Variants in SRCAP observed in about 807,000 individuals in gnomAD.
The protein encoded by SRCAP is Snf2 related CREBBP activator protein, also known as chromatin remodeling protein SRCAP.
Under a neutral mutation model 263.1 loss-of-function variants are expected in SRCAP, and 46 were observed. The observed-to-expected ratio is 0.17, with a 90% CI of 0.14 to 0.22. SRCAP has a LOEUF of 0.22. SRCAP is among the 10% of genes least tolerant of loss of function. The pLI, the probability that SRCAP is intolerant of heterozygous loss-of-function variation, is 1.00. For synonymous variants in SRCAP, 1,813 were observed against 1,662.1 expected (o/e 1.09, Z -2.21); for missense variants, 3,695 against 4,181.9 (o/e 0.88, Z 3.21).
At position 30,737,556 on chromosome 16, in the gene SRCAP, A is replaced by G. The variant is rs2053173093; in HGVS notation, c.7516A>G (p.Thr2506Ala). ...TGCCTGCACCCCTCCTCCTGCCTGT[A>G]CCCCTCCACCAGCTCATACACCGCC... is the stretch of plus-strand genomic sequence containing the variant. ...SPACTPPPAC[T>A]PPPAHTPPPA... Residue 2506 changes from threonine (T) to alanine (A), a missense_variant, in exon 34 of 34, where the codon ACC becomes GCC. By Grantham distance (58) the Thr-to-Ala change is moderately conservative. Coordinates refer to ENST00000262518, the MANE Select transcript of SRCAP (RefSeq NM_006662.3). The G allele has an allele frequency of 1.2e-6, 2 of 1,612,686 alleles. No individual in the cohort carries two copies. The highest frequency in any genetic ancestry group is 1.6e-4 in the Middle Eastern group (1 of 6,082).
intron 4 of SRCAP, 75 bp from the exon 5 acceptor site, chr16:30,707,108 C>A: frequency 6.7e-7 from 1 of 1,495,344 alleles, no homozygotes; most frequent in South Asian, 1.2e-5. Context: ...CCACTTAGTG[C>A]TCAGGAATTC....
chr16:30,710,670 T>C, intron 8 of SRCAP, 84 bp from the exon 9 acceptor site: 1 of 1,361,014 alleles, frequency 7.3e-7, no homozygotes, highest in Non-Finnish European at 1.1e-6. Flanking sequence ...ACAGTGATTC[T>C]CCTGTGACAC....
Position 30,721,969 on chromosome 16 carries a change from G to C in SRCAP, c.3542-153G>C, listed in dbSNP as rs575045254. Reference sequence around the variant, plus strand: ...GCACATGAAAAGCTCAAAGGCTGTAGGTGGAGGCTGAGTTTATTGGGACAT... The same window carrying C: ...GCACATGAAAAGCTCAAAGGCTGTACGTGGAGGCTGAGTTTATTGGGACAT... On this transcript the variant is annotated intron_variant, in intron 21 of 33. Transcript: ENST00000262518. Among the ~76,000 whole-genome samples, 8 of 152,296 alleles carry C rather than the reference G, an allele frequency of 5.3e-5. No homozygotes were observed. In the East Asian group the frequency reaches 1.5e-3, roughly 29 times the overall value.
In SRCAP at chr16:30,738,177, G is replaced by A. The variant is rs1276137621; in HGVS notation, c.8137G>A (p.Gly2713Ser). The A allele has an allele frequency of 6.2e-7, 1 of 1,614,146 alleles. No individual in the cohort carries two copies. The highest frequency in any genetic ancestry group is 1.3e-5 in the African/African-American group (1 of 75,036). The change falls in exon 34 of 34, where the codon GGT becomes AGT. Residue 2713 changes from glycine to serine, a missense_variant. This residue lies in a region of SRCAP where 1,207 missense variants were observed against 1,142.9 expected (regional missense o/e 1.06). Coordinates refer to ENST00000262518, the MANE Select transcript of SRCAP (RefSeq NM_006662.3). ...ATCTTCAGCCACTTCCTCGCCTGAG[G>A]GTCCTTCACCTGCCCGACCTCCTCG... ...TSSSATSSPE[G>S]PSPARPPRRR...
chr16:30,737,449 C>T lies in SRCAP; in HGVS notation c.7409C>T (p.Ala2470Val), dbSNP rs752848419. Reference sequence around the variant, plus strand: ...GTTTCTGCCCCAGTACCCATTTCAGCCCCAAATCCAATAACCATTCTCCCT... The same window carrying T: ...GTTTCTGCCCCAGTACCCATTTCAGTCCCAAATCCAATAACCATTCTCCCT... ...VPVSAPVPIS[A>V]PNPITILPVH... is the part of the protein sequence containing the mutation. Residue 2470 changes from alanine to valine, a missense_variant, in exon 34 of 34, where the codon GCC becomes GTC. Around this residue, in one of 12 missense-constraint regions of SRCAP, gnomAD observed 1,207 missense variants for 1,142.9 expected, o/e 1.06. Coordinates refer to ENST00000262518, the MANE Select transcript of SRCAP (RefSeq NM_006662.3). 1.4e-5 allele frequency: 22 copies of T among 1,592,156 alleles called. No homozygotes were observed. The South Asian group carries it at 1.5e-4, about 11-fold the overall frequency.
rs369510638 is a variant in SRCAP, at chr16:30,722,298, C to T, written c.3706+12C>T. On this transcript the variant is annotated intron_variant, in intron 22 of 33. Coordinates refer to ENST00000262518, the MANE Select transcript of SRCAP (RefSeq NM_006662.3). ...CCGCCCGCTGCAAAGTAGGTAAAAC[C>T]CACCCCCTGTCCTGCCTTTTTCCTC... 4 of 1,610,820 alleles carry T rather than the reference C, an allele frequency of 2.5e-6. No individual in the cohort carries two copies. The African/African-American group carries it at 5.3e-5, about 22-fold the overall frequency.
Position 30,724,415 on chromosome 16 carries a change from T to C in SRCAP, c.4991T>C (p.Leu1664Pro). Residue 1664 changes from leucine (L) to proline (P), a missense_variant, in exon 25 of 34, where the codon CTA becomes CCA. Around this residue, in one of 12 missense-constraint regions of SRCAP, gnomAD observed 1,347 missense variants for 1,304.4 expected, o/e 1.03. Transcript: ENST00000262518. ...VLAPSSTQTM[L>P]PAPVPSPLPS... Reference sequence around the variant, plus strand: ...GCTCCATCATCAACTCAAACTATGCTACCAGCCCCGGTTCCGTCACCTCTC... The same window carrying C: ...GCTCCATCATCAACTCAAACTATGCCACCAGCCCCGGTTCCGTCACCTCTC... The C allele has an allele frequency of 2.5e-6, 4 of 1,614,170 alleles. No homozygotes were observed. The highest frequency in any genetic ancestry group is 3.4e-6 in the Non-Finnish European group (4 of 1,180,020).
At chr16:30,726,439 A>C (rs1211805338) in intron 25 of SRCAP, among the ~76,000 whole-genome samples, 4 of 152,158 alleles carry the variant, frequency 2.6e-5, no homozygotes, top group African/African-American at 9.7e-5. Context: ...AGGAACTGCC[A>C]GACTTTTCCA....
At position 30,723,014 on chromosome 16, in the gene SRCAP, A is replaced by G. The variant is rs370342573; in HGVS notation, c.3944A>G (p.Gln1315Arg). 42 of 1,613,856 alleles carry G rather than the reference A, an allele frequency of 2.6e-5. No homozygotes were observed. The highest frequency in any genetic ancestry group is 3.3e-5 in the Non-Finnish European group (39 of 1,179,990). Residue 1315 changes from glutamine to arginine, a missense_variant, in exon 24 of 34, where the codon CAA becomes CGA. Gln to Arg is a conservative substitution (Grantham distance 43). Coordinates refer to ENST00000262518, the MANE Select transcript of SRCAP (RefSeq NM_006662.3). ...NTGVVKIVVRQAPRDGLTPVP... is the reference protein window; with the variant it reads ...NTGVVKIVVRRAPRDGLTPVP... Reference sequence around the variant, plus strand: ...GGCGTGGTGAAGATTGTAGTGAGACAAGCCCCTCGGGATGGACTGACTCCT... The same window carrying G: ...GGCGTGGTGAAGATTGTAGTGAGACGAGCCCCTCGGGATGGACTGACTCCT...
Position 30,707,625 on chromosome 16 carries a change from G to C in SRCAP, c.546G>C (p.Arg182=), listed in dbSNP as rs756793325. The change falls in exon 6 of 34, where the codon CGG becomes CGC. Residue 182 remains arginine, a synonymous_variant. Transcript: ENST00000262518. ...HHEEQRQKEE[R]ARREEQAKLR... is the part of the protein sequence containing the mutation. ...AGGAGCAGCGGCAGAAAGAGGAACG[G>C]GCCCGGAGGGAGGAGCAGGCCAAGC... 5.0e-6 allele frequency: 8 copies of C among 1,614,160 alleles called. No homozygotes were observed. The Admixed American group carries it at 1.2e-4, about 24-fold the overall frequency.
intron 9 of SRCAP, 59 bp from the exon 10 acceptor site, chr16:30,710,940 A>G: frequency 6.3e-7 from 1 of 1,598,304 alleles, no homozygotes. Context: ...TTTCATTTGG[A>G]CTGTGTCCTG....
In SRCAP at chr16:30,737,341, A is replaced by T. The variant is rs973043937; in HGVS notation, c.7301A>T (p.Glu2434Val). ...CCACCCCGCTGCAGTCCTGCCAGGG[A>T]GCGAGTTCCCAGGCCAGCACCTAGG... ...TTPPRCSPAR[E>V]RVPRPAPRPR... Residue 2434 changes from glutamate to valine, a missense_variant, in exon 34 of 34, where the codon GAG becomes GTG. Around this residue, in one of 12 missense-constraint regions of SRCAP, gnomAD observed 1,207 missense variants for 1,142.9 expected, o/e 1.06. Transcript: ENST00000262518. 6.2e-7 allele frequency: 1 copy of T among 1,613,954 alleles called. No homozygotes were observed. Among genetic ancestry groups the T allele is most frequent in the African/African-American group, 1.3e-5 (1 of 74,876 alleles).
At chr16:30,712,518 T>A in intron 13 of SRCAP, 79 bp downstream of exon 13, 2 of 1,520,308 alleles carry the variant, frequency 1.3e-6, no homozygotes, top group Non-Finnish European at 1.8e-6. Context: ...TCCAGCTTCA[T>A]TGACTTTTGC....
intron 1 of SRCAP, among the ~76,000 whole-genome samples, 171 bp downstream of exon 1, chr16:30,699,413 C>T (rs538982668): frequency 2.6e-5 from 4 of 152,190 alleles, no homozygotes; most frequent in African/African-American, 9.7e-5. Flanking sequence ...CTTTTGACTG[C>T]TCCTGAGTCT....
At chr16:30,729,276 A>G (rs940873048) in intron 26 of SRCAP, 45 bp downstream of exon 26, 1 of 1,596,820 alleles carries the variant, frequency 6.3e-7, no homozygotes, top group African/African-American at 1.3e-5. Context: ...TTGGGGCCTC[A>G]GAGTGGATGT....
Position 30,738,873 on chromosome 16 carries a change from G to A in SRCAP, c.8833G>A (p.Ala2945Thr). 1 of 1,614,116 alleles carries A rather than the reference G, an allele frequency of 6.2e-7. No homozygotes were observed. The highest frequency in any genetic ancestry group is 2.2e-5 in the East Asian group (1 of 44,876). The change falls in exon 34 of 34, where the codon GCA becomes ACA. Residue 2945 changes from alanine (A) to threonine (T), a missense_variant. This residue lies in a region of SRCAP where 1,207 missense variants were observed against 1,142.9 expected (regional missense o/e 1.06). Transcript: ENST00000262518. ...EKRRRGRPPK[A>T]RDLPIPGTIS... The stretch of plus-strand genomic sequence containing the variant: ...AAGAAGGCGAGGACGACCCCCTAAA[G>A]CACGAGATTTGCCCATCCCTGGGAC...
At position 30,736,942 on chromosome 16, in the gene SRCAP, G is replaced by A. The variant is rs1596667313; in HGVS notation, c.7009-107G>A. The A allele has an allele frequency of 3.9e-6, 5 of 1,286,360 alleles. No individual in the cohort carries two copies. In the South Asian group the frequency reaches 5.8e-5, roughly 15 times the overall value. 79.7% of individuals were successfully genotyped at this position (1,286,360 alleles called of 1,614,324 possible). A position where few individuals can be genotyped will look rare whatever the true frequency, so the allele number is the denominator to read the frequency against. ...GCTGGCCTTAACTTCCCCAAGTGCTGGAATTACAGGCGTGAGCCACCGCGC... is the reference window on the plus strand; with the variant it reads ...GCTGGCCTTAACTTCCCCAAGTGCTAGAATTACAGGCGTGAGCCACCGCGC... On this transcript the variant is annotated intron_variant, in intron 33 of 33. Coordinates refer to ENST00000262518, the MANE Select transcript of SRCAP (RefSeq NM_006662.3).
chr16:30,709,057 G>A (rs2052858662), intron 6 of SRCAP, among the ~76,000 whole-genome samples: 1 of 152,136 alleles, frequency 6.6e-6, no homozygotes, highest in Admixed American at 6.6e-5. Flanking sequence ...GACCTCACGT[G>A]ATCCTCCCAC....
At position 30,737,723 on chromosome 16, in the gene SRCAP, A is replaced by G. The variant is rs2053174903; in HGVS notation, c.7683A>G (p.Pro2561=). Reference sequence around the variant, plus strand: ...TGTGTGCCCAGGCATTGGCATCTCCAGAGTCCCTGGAGCTGGCTTCTGTGG... The same window carrying G: ...TGTGTGCCCAGGCATTGGCATCTCCGGAGTCCCTGGAGCTGGCTTCTGTGG... ...AELCAQALAS[P]ESLELASVAS... The change falls in exon 34 of 34, where the codon CCA becomes CCG. Residue 2561 remains proline, a synonymous_variant. Coordinates refer to ENST00000262518, the MANE Select transcript of SRCAP (RefSeq NM_006662.3). The G allele has an allele frequency of 1.2e-6, 2 of 1,614,200 alleles. No homozygotes were observed. The highest frequency in any genetic ancestry group is 1.7e-5 in the Admixed American group (1 of 60,022).
Sources: allele counts gnomAD v4.1 joint callset (sites outside exome capture counted in the v4.1 genomes callset), GRCh38; gene constraint gnomAD v4.1.1; regional missense constraint gnomAD v4.1.1; transcripts MANE v1.5; gene names NCBI Gene and HGNC (gene_info 2026-07-23, HGNC 2026-07-21).